Variants in CPNE4 observed in about 807,000 individuals in gnomAD.
CPNE4 encodes copine-4.
CPNE4 carries 25 observed loss-of-function variants against 67.9 expected under a neutral mutation model. The observed-to-expected ratio is 0.37, with a 90% CI of 0.27 to 0.51. CPNE4 has a LOEUF of 0.51. CPNE4 is among the 20% of genes least tolerant of loss of function. CPNE4 has a pLI of 0.93. For synonymous variants in CPNE4, 242 were observed against 244.9 expected (o/e 0.99, Z 0.11); for missense variants, 464 against 690.8 (o/e 0.67, Z 3.68).
intron 7 of CPNE4, among the ~76,000 whole-genome samples, chr3:131,652,986 G>A (rs1441379231): frequency 6.6e-6 from 1 of 152,130 alleles, no homozygotes; most frequent in Admixed American, 6.5e-5. Context: ...TCAGTGGTCT[G>A]ATTTTAAGGT....
In CPNE4 at chr3:131,973,130, G is replaced by A. The variant is rs193023148; in HGVS notation, c.-2+61437C>T. ...AAACTCACAGTGTGTGTGGTGACCT[G>A]GAAAAAAGTCATTTTGTACAACGGA... On this transcript the variant is annotated intron_variant, in intron 1 of 15. Coordinates refer to ENST00000429747, the MANE Select transcript of CPNE4 (RefSeq NM_130808.3). Among the ~76,000 whole-genome samples the A allele has an allele frequency of 2.2e-3, 328 of 152,076 alleles. 2 individuals are homozygous for A. Among genetic ancestry groups the A allele is most frequent in the African/African-American group, 6.9e-3 (285 of 41,486 alleles).
At chr3:131,590,852 C>T (rs35985065) in intron 7 of CPNE4, among the ~76,000 whole-genome samples, 3,371 of 152,258 alleles carry the variant, frequency 0.022, 51 homozygotes, top group Middle Eastern at 0.048. Flanking sequence ...CAATGAAAGG[C>T]TTAGCTCATT....
chr3:131,949,370 A>G (rs982476017), intron 1 of CPNE4, among the ~76,000 whole-genome samples: 1 of 152,244 alleles, frequency 6.6e-6, no homozygotes, highest in Admixed American at 6.5e-5. Context: ...AATGTCAATC[A>G]TGGGCATCCA....
intron 3 of CPNE4, among the ~76,000 whole-genome samples, chr3:131,721,651 T>A (rs757401303): frequency 5.3e-5 from 8 of 152,138 alleles, no homozygotes; most frequent in Non-Finnish European, 1.2e-4. Flanking sequence ...CTCCTTGGCT[T>A]CCCAAAGTGC....
chr3:131,872,901 A>G (rs2087278720), intron 2 of CPNE4, among the ~76,000 whole-genome samples: 1 of 152,230 alleles, frequency 6.6e-6, no homozygotes, highest in Non-Finnish European at 1.5e-5. Flanking sequence ...ATTTTCTAGC[A>G]AAGACTCCAG....
At chr3:131,592,720 A>T (rs1938614393) in intron 7 of CPNE4, among the ~76,000 whole-genome samples, 1 of 152,158 alleles carries the variant, frequency 6.6e-6, no homozygotes, top group African/African-American at 2.4e-5. Flanking sequence ...TCAAGGTCTC[A>T]TGAGTCTGCT....
At chr3:131,821,408 T>C (rs954922112) in intron 2 of CPNE4, among the ~76,000 whole-genome samples, 1 of 152,200 alleles carries the variant, frequency 6.6e-6, no homozygotes, top group African/African-American at 2.4e-5. Context: ...AATCTCCCTA[T>C]TGTGAGAATT....
At chr3:131,846,497 C>T (rs1261482730) in intron 2 of CPNE4, among the ~76,000 whole-genome samples, 1 of 152,162 alleles carries the variant, frequency 6.6e-6, no homozygotes, top group Non-Finnish European at 1.5e-5. Context: ...CAGCCAGCTT[C>T]CCTTTATCCC....
rs1262999272 is a variant in CPNE4, at chr3:131,927,039, A to G, written c.-1-21595T>C. Among the ~76,000 whole-genome samples, 3 of 152,262 alleles carry G rather than the reference A, an allele frequency of 2.0e-5. No homozygotes were observed. The East Asian group carries it at 5.8e-4, about 29-fold the overall frequency. The stretch of plus-strand genomic sequence containing the variant: ...GGACCTTGCATGCCTTGCAACTAAC[A>G]ATAGCTAGTGCCATTTACTGACCAC... On this transcript the variant is annotated intron_variant, in intron 1 of 15. Transcript: ENST00000429747.
intron 2 of CPNE4, among the ~76,000 whole-genome samples, chr3:131,749,593 T>C (rs2082574046): frequency 6.6e-6 from 1 of 152,174 alleles, no homozygotes; most frequent in Non-Finnish European, 1.5e-5. Context: ...ATTACTTCTT[T>C]CAATTCTTTC....
chr3:131,812,424 A>T (rs193218200), intron 2 of CPNE4, among the ~76,000 whole-genome samples: 5 of 152,292 alleles, frequency 3.3e-5, no homozygotes, highest in Admixed American at 3.3e-4. Flanking sequence ...ATATCCAGTT[A>T]AGGTAGGAAC....
intron 2 of CPNE4, among the ~76,000 whole-genome samples, chr3:131,864,080 C>T (rs570441679): frequency 2.1e-4 from 32 of 152,024 alleles, no homozygotes; most frequent in African/African-American, 7.5e-4. Flanking sequence ...TGTTTTGGTA[C>T]CAGTACCATG....
intron 1 of CPNE4, among the ~76,000 whole-genome samples, chr3:131,994,878 C>A (rs7622767): frequency 6.6e-5 from 10 of 152,342 alleles, no homozygotes; most frequent in Admixed American, 5.2e-4. Context: ...TACTTTTTTC[C>A]TTTTAGAGAC....
chr3:131,737,316 G>A (rs1199216168), intron 2 of CPNE4, among the ~76,000 whole-genome samples: 6 of 151,332 alleles, frequency 4.0e-5, no homozygotes, highest in African/African-American at 1.5e-4. Context: ...TGGAGATGGG[G>A]TTTCACCATG....
At chr3:131,654,020 T>G (rs1187833542) in intron 7 of CPNE4, among the ~76,000 whole-genome samples, 2 of 152,190 alleles carry the variant, frequency 1.3e-5, no homozygotes, top group African/African-American at 2.4e-5. Context: ...ATAATCACCT[T>G]GGCTGCTTTT....
At chr3:131,948,265 T>C (rs1414445212) in intron 1 of CPNE4, among the ~76,000 whole-genome samples, 1 of 152,174 alleles carries the variant, frequency 6.6e-6, no homozygotes, top group Non-Finnish European at 1.5e-5. Flanking sequence ...GTTTCCCCCA[T>C]GTTGTTCTTG....
chr3:131,864,557 G>C (rs1302279563), intron 2 of CPNE4, among the ~76,000 whole-genome samples: 2 of 151,794 alleles, frequency 1.3e-5, no homozygotes, highest in South Asian at 2.1e-4. Context: ...CATTGATTTT[G>C]TATCCTGAGA....
At chr3:131,996,043 C>A (rs1348780698) in intron 1 of CPNE4, among the ~76,000 whole-genome samples, 1 of 152,162 alleles carries the variant, frequency 6.6e-6, no homozygotes, top group East Asian at 1.9e-4. Context: ...CATTCACTAG[C>A]ACAATCCATT....
chr3:131,772,838 G>C (rs562505929), intron 2 of CPNE4, among the ~76,000 whole-genome samples: 4 of 152,250 alleles, frequency 2.6e-5, no homozygotes, highest in African/African-American at 9.6e-5. Context: ...GAGCTGCCCA[G>C]TGAGCCCTGT....
Sources: allele counts gnomAD v4.1 joint callset (sites outside exome capture counted in the v4.1 genomes callset), GRCh38; gene constraint gnomAD v4.1.1; transcripts MANE v1.5; gene names NCBI Gene and HGNC (gene_info 2026-07-23, HGNC 2026-07-21).